GRAMD2B: variants seen among roughly 807,000 people sequenced by gnomAD.
GRAMD2B encodes GRAM domain containing 2B.
GRAMD2B carries 41 observed loss-of-function variants against 59.2 expected under a neutral mutation model. That is an observed-to-expected ratio of 0.69 (90% confidence interval 0.54 to 0.90). The LOEUF (loss-of-function observed/expected upper bound fraction) is 0.90, where lower values mean the gene tolerates loss of function less well. Ranked by LOEUF, GRAMD2B falls within the 40% of genes least tolerant of loss-of-function variation. The pLI, the probability that GRAMD2B is intolerant of heterozygous loss-of-function variation, is 0.00. For synonymous variants in GRAMD2B, 161 were observed against 182.7 expected, an observed-to-expected ratio of 0.88 and a Z score of 0.96; for missense variants, 424 against 500.5, an observed-to-expected ratio of 0.85 and a Z score of 1.46.
At chr5:126,492,524 C>G (rs1420349951) in intron 13 of GRAMD2B, among the ~76,000 whole-genome samples, 2 of 151,438 alleles carry the variant, frequency 1.3e-5, no homozygotes, top group Non-Finnish European at 2.9e-5. Context: ...AGTTCTAGAT[C>G]AGCCTGAGAA....
At chr5:126,479,341 TAG>T (rs2126889803) in intron 6 of GRAMD2B, among the ~76,000 whole-genome samples, 1 of 152,188 alleles carries the variant, frequency 6.6e-6, no homozygotes, top group African/African-American at 2.4e-5. Context: ...TGACTGGCTA[TAG>T]ATTTCCTTTC....
Position 126,473,288 on chromosome 5 carries a change from G to T in GRAMD2B, c.406G>T (p.Glu136Ter). 1 of 1,484,822 alleles carries T rather than the reference G, an allele frequency of 6.7e-7. No homozygotes were observed. Among genetic ancestry groups the T allele is most frequent in the East Asian group, 2.4e-5 (1 of 41,538 alleles). The allele number at this position is 1,484,822 out of a possible 1,614,324, so 92.0% of individuals were successfully genotyped here. Residue 136 changes from glutamate to a stop codon, truncating the protein, a stop_gained, in exon 5 of 14, where the codon GAA becomes TAA. Transcript: ENST00000285689. LOFTEE classifies it high-confidence loss of function. Reference protein sequence around the residue: ...KQSFTCALQKEILYQGKLFVS... With the variant: ...KQSFTCALQK Reference sequence around the variant, plus strand: ...AGGCTTTACCTGTGCTCTACAGAAAGAAATACTATACCAAGGAAAGCTCTT... The same window carrying T: ...AGGCTTTACCTGTGCTCTACAGAAATAAATACTATACCAAGGAAAGCTCTT...
chr5:126,402,374 A>T (rs1351871274), intron 1 of GRAMD2B, among the ~76,000 whole-genome samples: 1 of 152,098 alleles, frequency 6.6e-6, no homozygotes, highest in Admixed American at 6.6e-5. Flanking sequence ...AATGAACCCA[A>T]GGGTTGGCTA....
At chr5:126,470,039 T>C (rs1177631056) in intron 3 of GRAMD2B, among the ~76,000 whole-genome samples, 1 of 152,200 alleles carries the variant, frequency 6.6e-6, no homozygotes, top group African/African-American at 2.4e-5. Flanking sequence ...CTCTGACAGA[T>C]ACCCAGAGAT....
intron 1 of GRAMD2B, among the ~76,000 whole-genome samples, chr5:126,373,070 G>C (rs1181753713): frequency 6.6e-6 from 1 of 152,080 alleles, no homozygotes; most frequent in Non-Finnish European, 1.5e-5. Context: ...AAAAGCTCCA[G>C]CCTATGTCAC....
chr5:126,361,929 T>G (rs1366104006), intron 1 of GRAMD2B, among the ~76,000 whole-genome samples: 1 of 152,176 alleles, frequency 6.6e-6, no homozygotes, highest in Non-Finnish European at 1.5e-5. Flanking sequence ...CAGTTCTTCC[T>G]CTGCAAAATC....
rs1399425547 is a variant in GRAMD2B, at chr5:126,423,616, C to G, written c.10C>G (p.Leu4Val). The change falls in exon 1 of 14, where the codon CTA (leucine) becomes GTA (valine). Residue 4 changes from leucine to valine, a missense_variant. Physicochemically the swap from Leu to Val is conservative, Grantham distance 32. Coordinates refer to ENST00000285689, the MANE Select transcript of GRAMD2B (RefSeq NM_023927.4). ...TCCAGACACGGCCCCGATGACTGAACTACAGCAAGATGTGGAAGACACAAA... is the reference window on the plus strand; with the variant it reads ...TCCAGACACGGCCCCGATGACTGAAGTACAGCAAGATGTGGAAGACACAAA... MTE[L>V]QQDVEDTKPA... The G allele has an allele frequency of 6.2e-7, 1 of 1,612,406 alleles. No homozygotes were observed. The highest frequency in any genetic ancestry group is 1.7e-5 in the Admixed American group (1 of 59,798).
chr5:126,464,975 T>C (rs1768027788), intron 1 of GRAMD2B: 1 of 823,512 alleles, frequency 1.2e-6, no homozygotes, highest in Non-Finnish European at 1.5e-6. Context: ...GGGAACTGCT[T>C]GGTTAAACAA....
intron 1 of GRAMD2B, among the ~76,000 whole-genome samples, chr5:126,442,049 A>G (rs1763383316): frequency 6.6e-6 from 1 of 151,878 alleles, no homozygotes; most frequent in African/African-American, 2.4e-5. Context: ...AAGTCTCACA[A>G]TGTCCTAAGA....
chr5:126,386,242 A>G (rs1278591897), intron 1 of GRAMD2B, among the ~76,000 whole-genome samples: 1 of 152,194 alleles, frequency 6.6e-6, no homozygotes, highest in East Asian at 1.9e-4. Context: ...ACGGATCACC[A>G]CCCAGGATCT....
chr5:126,457,501 C>T (rs556755675), intron 1 of GRAMD2B, among the ~76,000 whole-genome samples: 18 of 151,958 alleles, frequency 1.2e-4, no homozygotes, highest in Admixed American at 9.8e-4. Flanking sequence ...CATGGTGACA[C>T]GTGCCTGTAA....
chr5:126,416,742 C>T (rs1240083545), intron 1 of GRAMD2B, among the ~76,000 whole-genome samples: 1 of 152,204 alleles, frequency 6.6e-6, no homozygotes, highest in Non-Finnish European at 1.5e-5. Context: ...CTTCGCTCTT[C>T]CCTCTGGCTG....
chr5:126,472,408 G>A (rs1366253142), intron 4 of GRAMD2B, 104 bp downstream of exon 4: 3 of 810,580 alleles, frequency 3.7e-6, no homozygotes, highest in Non-Finnish European at 4.2e-6. Flanking sequence ...TCACCAAGGG[G>A]ATCAGGTTTC....
In GRAMD2B at chr5:126,465,490, C is replaced by T. The variant is rs755232494; in HGVS notation, c.148C>T (p.Pro50Ser). ...KACRSPTAQSPTPSVEADSPD... is the reference protein window; with the variant it reads ...KACRSPTAQSSTPSVEADSPD... ...CTGCAGGTCGCCAACAGCCCAATCC[C>T]CTACCCCATCTGTGGAGGCGGACTC... Residue 50 changes from proline to serine, a missense_variant, in exon 2 of 14, where the codon CCT becomes TCT. Coordinates refer to ENST00000285689, the MANE Select transcript of GRAMD2B (RefSeq NM_023927.4). 1.2e-6 allele frequency: 2 copies of T among 1,614,144 alleles called. No individual in the cohort carries two copies. The highest frequency in any genetic ancestry group is 1.1e-5 in the South Asian group (1 of 91,086).
At chr5:126,449,076 G>A (rs983733810) in intron 1 of GRAMD2B, among the ~76,000 whole-genome samples, 18 of 152,192 alleles carry the variant, frequency 1.2e-4, no homozygotes, top group East Asian at 3.8e-4. Context: ...AAAGCGATGC[G>A]TTTCAAGTCC....
chr5:126,472,921 T>C (rs1033737592), intron 4 of GRAMD2B, among the ~76,000 whole-genome samples: 1 of 152,176 alleles, frequency 6.6e-6, no homozygotes, highest in African/African-American at 2.4e-5. Flanking sequence ...CAGTCATTCC[T>C]GAAAATACTG....
chr5:126,443,092 G>C (rs945888726), intron 1 of GRAMD2B, among the ~76,000 whole-genome samples: 1 of 152,176 alleles, frequency 6.6e-6, no homozygotes, highest in Non-Finnish European at 1.5e-5. Context: ...ATTGCTGGAT[G>C]AAAGTAACAA....
intron 1 of GRAMD2B, among the ~76,000 whole-genome samples, chr5:126,424,461 A>T (rs72782499): frequency 2.2e-4 from 33 of 152,340 alleles, no homozygotes; most frequent in Non-Finnish European, 4.6e-4. Flanking sequence ...AGGGATATGT[A>T]TTATCATAAG....
chr5:126,388,919 T>C (rs528249428), intron 1 of GRAMD2B, among the ~76,000 whole-genome samples: 16 of 152,214 alleles, frequency 1.1e-4, no homozygotes, highest in African/African-American at 3.9e-4. Context: ...TATTTACTAT[T>C]AGGCTGATGG....
Sources: allele counts gnomAD v4.1 joint callset (sites outside exome capture counted in the v4.1 genomes callset), GRCh38; gene constraint gnomAD v4.1.1; transcripts MANE v1.5; gene names NCBI Gene and HGNC (gene_info 2026-07-23, HGNC 2026-07-21).